RNF13: variants seen among roughly 807,000 people sequenced by gnomAD.
RNF13 encodes the protein E3 ubiquitin-protein ligase RNF13.
RNF13 carries 19 observed loss-of-function variants against 37.7 expected under a neutral mutation model. The observed-to-expected ratio is 0.50, with a 90% CI of 0.35 to 0.74. The LOEUF is 0.74. RNF13 is among the 30% of genes least tolerant of loss of function. The pLI, the probability that RNF13 is intolerant of heterozygous loss-of-function variation, is 0.01. For missense variants in RNF13, 375 were observed against 453.0 expected (o/e 0.83, Z 1.56); for synonymous variants, 144 against 157.8 (o/e 0.91, Z 0.65).
intron 8 of RNF13, among the ~76,000 whole-genome samples, chr3:149,943,936 A>G (rs1180613884): frequency 1.3e-5 from 2 of 151,802 alleles, no homozygotes; most frequent in Non-Finnish European, 2.9e-5. Context: ...AGCATTAGGT[A>G]TATCTCCTAA....
At chr3:149,943,220 CT>C (rs368828804) in intron 8 of RNF13, among the ~76,000 whole-genome samples, 13,760 of 133,550 alleles carry the variant, frequency 0.1, 667 homozygotes, top group African/African-American at 0.15. Flanking sequence ...TGTTGCAGTT[CT>C]TTTTTTTTTT....
At chr3:149,867,132 C>G (rs1317294004) in intron 3 of RNF13, among the ~76,000 whole-genome samples, 2 of 152,066 alleles carry the variant, frequency 1.3e-5, no homozygotes, top group Non-Finnish European at 2.9e-5. Context: ...ATTGTAGTCT[C>G]TCTCTCCCTT....
chr3:149,816,564 G>A (rs1293281814), intron 1 of RNF13, among the ~76,000 whole-genome samples: 1 of 149,706 alleles, frequency 6.7e-6, no homozygotes, highest in Admixed American at 6.6e-5. Flanking sequence ...AAGATTGTTA[G>A]CAGTTGAAGG....
chr3:149,930,317 C>T (rs113781205), intron 8 of RNF13, among the ~76,000 whole-genome samples: 2,006 of 152,178 alleles, frequency 0.013, 50 homozygotes, highest in African/African-American at 0.045. Context: ...GGTGTTTTGC[C>T]ATTCCGTATA....
At chr3:149,901,173 ATTTTG>A (rs1559938648) in intron 5 of RNF13, among the ~76,000 whole-genome samples, 1 of 152,024 alleles carries the variant, frequency 6.6e-6, no homozygotes, top group African/African-American at 2.4e-5. Context: ...AAAGATTATG[ATTTTG>A]TTTTGTTTTC....
At chr3:149,893,998 A>G (rs1004761733) in intron 4 of RNF13, 3 of 152,172 alleles carry the variant, frequency 2.0e-5, no homozygotes, top group Non-Finnish European at 2.9e-5. Context: ...TAATGTTATA[A>G]TATGAGCTAT....
chr3:149,851,790 T>G (rs1723142343), intron 2 of RNF13: 2 of 152,214 alleles, frequency 1.3e-5, no homozygotes, highest in Non-Finnish European at 2.9e-5. Context: ...TTGCTCTCTG[T>G]ATAGCAAATT....
intron 4 of RNF13, among the ~76,000 whole-genome samples, chr3:149,888,282 C>G (rs1028366897): frequency 2.0e-5 from 3 of 152,000 alleles, no homozygotes; most frequent in Non-Finnish European, 1.5e-5. Context: ...TTTAACTTCC[C>G]AATTAAAATA....
At chr3:149,878,939 G>A (rs1467934137) in intron 4 of RNF13, among the ~76,000 whole-genome samples, 1 of 152,242 alleles carries the variant, frequency 6.6e-6, no homozygotes, top group East Asian at 1.9e-4. Flanking sequence ...CACTTGGAAA[G>A]GTTTAGAAGC....
At chr3:149,882,252 A>G (rs995014898) in intron 4 of RNF13, among the ~76,000 whole-genome samples, 1 of 146,372 alleles carries the variant, frequency 6.8e-6, no homozygotes, top group African/African-American at 2.5e-5. Context: ...AAAATGACTA[A>G]AGTAAAATTT....
chr3:149,939,094 C>CT, intron 8 of RNF13: 1 of 511,410 alleles, frequency 2.0e-6, no homozygotes, highest in South Asian at 1.5e-5. Context: ...TTAATGTCTT[C>CT]TACAGAACTA....
intron 4 of RNF13, among the ~76,000 whole-genome samples, chr3:149,878,313 A>G (rs1712984362): frequency 6.6e-6 from 1 of 152,208 alleles, no homozygotes; most frequent in African/African-American, 2.4e-5. Flanking sequence ...AGGAGGAAAG[A>G]TGGGATCGAA....
At chr3:149,933,579 TTTC>T (rs1407374970) in intron 8 of RNF13, among the ~76,000 whole-genome samples, 4 of 145,362 alleles carry the variant, frequency 2.8e-5, no homozygotes, top group African/African-American at 9.8e-5. Context: ...GTTTCTTTTC[TTTC>T]TTCTTTTTTT....
intron 6 of RNF13, among the ~76,000 whole-genome samples, chr3:149,910,302 T>C (rs1195227143): frequency 6.6e-6 from 1 of 152,162 alleles, no homozygotes; most frequent in Non-Finnish European, 1.5e-5. Context: ...GATGATATAT[T>C]AGTTACTTTA....
chr3:149,922,582 C>G, intron 8 of RNF13, among the ~76,000 whole-genome samples: 1 of 152,182 alleles, frequency 6.6e-6, no homozygotes, highest in Non-Finnish European at 1.5e-5. Flanking sequence ...CACTTACCTT[C>G]CTCCTATTCT....
At chr3:149,913,428 C>T (rs1717186937) in intron 7 of RNF13, among the ~76,000 whole-genome samples, 1 of 152,148 alleles carries the variant, frequency 6.6e-6, no homozygotes, top group Non-Finnish European at 1.5e-5. Flanking sequence ...TACTTTCCCG[C>T]ATTGTTAACA....
At chr3:149,914,972 G>A (rs1717359316) in intron 7 of RNF13, among the ~76,000 whole-genome samples, 1 of 151,768 alleles carries the variant, frequency 6.6e-6, no homozygotes, top group Admixed American at 6.6e-5. Flanking sequence ...GGAAATGGAT[G>A]TCTATTGTTG....
At chr3:149,912,504 AT>A (rs1206028406) in intron 7 of RNF13, among the ~76,000 whole-genome samples, 1 of 152,274 alleles carries the variant, frequency 6.6e-6, no homozygotes, top group South Asian at 2.1e-4. Flanking sequence ...ATGCCAAAGT[AT>A]TTTAGGGAAA....
At position 149,867,490 on chromosome 3, in the gene RNF13, C is replaced by G. The variant is rs190429347; in HGVS notation, c.196-4539C>G. On this transcript the variant is annotated intron_variant, in intron 3 of 9. Coordinates refer to ENST00000392894, the MANE Select transcript of RNF13 (RefSeq NM_183381.3). ...ACGTGTTAGCCAGGATGGTGTTGAT[C>G]TCTTGACCTTGTGATCCACCTGCCT... 4.0e-5 allele frequency among the ~76,000 whole-genome samples: 6 copies of G among 151,766 alleles called. No homozygotes were observed. In the East Asian group the frequency reaches 1.2e-3, roughly 29 times the overall value.
Sources: gnomAD v4.1 joint callset for allele counts (sites outside exome capture counted in the v4.1 genomes callset) on GRCh38, gnomAD v4.1.1 for gene constraint, MANE v1.5 for transcripts, NCBI Gene and HGNC (gene_info 2026-07-23, HGNC 2026-07-21) for gene names.